CNTN3: variants seen among roughly 807,000 people sequenced by gnomAD.
The protein encoded by CNTN3 is contactin 3, also known as contactin-3.
CNTN3 carries 60 observed loss-of-function variants against 119.1 expected under a neutral mutation model. That is an observed-to-expected ratio of 0.50 (90% CI 0.41 to 0.62). The LOEUF (loss-of-function observed/expected upper bound fraction) is 0.62, where lower values mean the gene tolerates loss of function less well. Ranked by LOEUF, CNTN3 falls within the 20% of genes least tolerant of loss-of-function variation. CNTN3 has a pLI of 0.00. For synonymous variants in CNTN3, 450 were observed against 438.7 expected (o/e 1.03, Z -0.32); for missense variants, 1,101 against 1,242.4 (o/e 0.89, Z 1.71).
intron 4 of CNTN3, among the ~76,000 whole-genome samples, chr3:74,480,083 A>G (rs1257466171): frequency 6.6e-6 from 1 of 152,132 alleles, no homozygotes; most frequent in East Asian, 1.9e-4. Context: ...ATATTGACCT[A>G]GCTGAAATTA....
At chr3:74,539,017 C>T (rs1053552035) in intron 1 of CNTN3, among the ~76,000 whole-genome samples, 3 of 152,010 alleles carry the variant, frequency 2.0e-5, no homozygotes, top group African/African-American at 7.2e-5. Flanking sequence ...GATTTTTCAC[C>T]TTAAAAAGGA....
intron 13 of CNTN3, among the ~76,000 whole-genome samples, chr3:74,334,071 C>T (rs503058): frequency 0.65 from 98,531 of 152,044 alleles, 32,018 homozygotes; most frequent in Middle Eastern, 0.78. Flanking sequence ...TTGACCATTC[C>T]CCTCAAAGTG....
intron 4 of CNTN3, among the ~76,000 whole-genome samples, chr3:74,426,461 C>A (rs999103107): frequency 1.3e-5 from 2 of 152,006 alleles, no homozygotes; most frequent in African/African-American, 4.8e-5. Flanking sequence ...ATTGATAAAA[C>A]CAGAACCTGT....
chr3:74,459,477 C>T (rs961652670), intron 4 of CNTN3, among the ~76,000 whole-genome samples: 1 of 152,026 alleles, frequency 6.6e-6, no homozygotes, highest in African/African-American at 2.4e-5. Context: ...TTTCTACTGA[C>T]TTCTGAAGGG....
At chr3:74,329,465 A>G (rs1157990459) in intron 13 of CNTN3, among the ~76,000 whole-genome samples, 3 of 152,218 alleles carry the variant, frequency 2.0e-5, no homozygotes, top group Non-Finnish European at 2.9e-5. Flanking sequence ...CAAAGCATAT[A>G]TATTTAAACA....
chr3:74,469,780 A>G (rs1399193784), intron 4 of CNTN3, among the ~76,000 whole-genome samples: 1 of 152,198 alleles, frequency 6.6e-6, no homozygotes, highest in East Asian at 1.9e-4. Context: ...GACTTTAGAA[A>G]ACAGTCTGCC....
intron 4 of CNTN3, among the ~76,000 whole-genome samples, chr3:74,472,656 C>T (rs891057419): frequency 2.0e-5 from 3 of 152,062 alleles, no homozygotes; most frequent in African/African-American, 4.8e-5. Flanking sequence ...CTAATGAGAC[C>T]AGGTTGAAAA....
chr3:74,459,544 G>C (rs1329036956), intron 4 of CNTN3, among the ~76,000 whole-genome samples: 1 of 151,984 alleles, frequency 6.6e-6, no homozygotes. Flanking sequence ...ACTAATCTCT[G>C]TAAATTCTAG....
intron 13 of CNTN3, among the ~76,000 whole-genome samples, chr3:74,321,999 A>G (rs1703005841): frequency 6.6e-6 from 1 of 152,062 alleles, no homozygotes; most frequent in African/African-American, 2.4e-5. Flanking sequence ...CAGACTGGCC[A>G]ACATGGTGAA....
At chr3:74,283,043 A>G (rs1702045475) in intron 20 of CNTN3, among the ~76,000 whole-genome samples, 1 of 152,176 alleles carries the variant, frequency 6.6e-6, no homozygotes, top group Non-Finnish European at 1.5e-5. Context: ...CTAAAGCTCC[A>G]TGAGCAGAGA....
intron 4 of CNTN3, among the ~76,000 whole-genome samples, chr3:74,480,534 T>C (rs1302070545): frequency 1.3e-5 from 2 of 152,002 alleles, no homozygotes; most frequent in Non-Finnish European, 2.9e-5. Flanking sequence ...ATAGGCAAGT[T>C]ATTCACACAA....
intron 4 of CNTN3, among the ~76,000 whole-genome samples, chr3:74,445,643 G>C (rs571649414): frequency 6.6e-6 from 1 of 152,204 alleles, no homozygotes; most frequent in East Asian, 1.9e-4. Context: ...AAGGCATGAA[G>C]TTGGAAAGTA....
At chr3:74,447,239 A>G (rs1434693799) in intron 4 of CNTN3, among the ~76,000 whole-genome samples, 1 of 152,216 alleles carries the variant, frequency 6.6e-6, no homozygotes, top group Non-Finnish European at 1.5e-5. Context: ...AGAAAGGAAT[A>G]CTGTTAGGAG....
rs201998015 is a variant in CNTN3, at chr3:74,301,533, C to A, written c.1960G>T (p.Asp654Tyr). Residue 654 changes from aspartate (D) to tyrosine (Y), a missense_variant, in exon 16 of 23, where the codon GAT (aspartate) becomes TAT (tyrosine). By Grantham distance (160) the Asp-to-Tyr change is radical. Transcript: ENST00000263665. ...ACAGTGGCTGTGTGCGTCTTCCCAT[C>A]GATGACCTCAGGCACTACAAAGGAA... is the stretch of plus-strand genomic sequence containing the variant. ...QTVTTVPEVI[D>Y]GKTHTATVVE... 1 of 1,613,902 alleles carries A rather than the reference C, an allele frequency of 6.2e-7. No homozygotes were observed. Among genetic ancestry groups the A allele is most frequent in the African/African-American group, 1.3e-5 (1 of 75,028 alleles).
chr3:74,342,525 C>T (rs1419936749), intron 11 of CNTN3, among the ~76,000 whole-genome samples: 7 of 152,108 alleles, frequency 4.6e-5, no homozygotes, highest in Non-Finnish European at 1.0e-4. Flanking sequence ...TGAACATACA[C>T]ATTCTATGGA....
intron 5 of CNTN3, among the ~76,000 whole-genome samples, chr3:74,411,264 T>G (rs1389460078): frequency 6.6e-6 from 1 of 152,128 alleles, no homozygotes; most frequent in Non-Finnish European, 1.5e-5. Context: ...AATTAGCGTT[T>G]GTACACAAAG....
chr3:74,505,446 ACGTG>A (rs1309542772), intron 2 of CNTN3, among the ~76,000 whole-genome samples: 9 of 28,998 alleles, frequency 3.1e-4, no homozygotes, highest in Non-Finnish European at 5.3e-4. Context: ...AGAACACTAT[ACGTG>A]TGTGTGTGTG....
At chr3:74,379,790 G>C (rs914365363) in intron 5 of CNTN3, among the ~76,000 whole-genome samples, 16 of 152,098 alleles carry the variant, frequency 1.1e-4, no homozygotes, top group Admixed American at 7.9e-4. Context: ...CAATGGCTTG[G>C]GGGGACTGAA....
intron 11 of CNTN3, among the ~76,000 whole-genome samples, chr3:74,358,586 T>TC (rs2106764755): frequency 7.2e-6 from 1 of 138,028 alleles, no homozygotes; most frequent in South Asian, 2.3e-4. Context: ...GTATTCTTTT[T>TC]TTTTTTTTTG....
Sources: gnomAD v4.1 joint callset for allele counts (sites outside exome capture counted in the v4.1 genomes callset) on GRCh38, gnomAD v4.1.1 for gene constraint, MANE v1.5 for transcripts, NCBI Gene and HGNC (gene_info 2026-07-23, HGNC 2026-07-21) for gene names.